Variants in LRBA observed in about 807,000 individuals in gnomAD.
LRBA encodes the protein lipopolysaccharide-responsive and beige-like anchor protein.
Under a neutral mutation model 330.0 loss-of-function variants are expected in LRBA, and 176 were observed. The ratio of observed to expected loss-of-function variants is 0.53; its 90% CI spans 0.47 to 0.60. LRBA has a LOEUF of 0.60. Among genes scored for constraint, LRBA ranks in the 20% least tolerant of loss-of-function variants. The pLI is 0.00. For missense variants in LRBA, 3,259 were observed against 3,444.8 expected (o/e 0.95, Z 1.35); for synonymous variants, 1,230 against 1,193.0 (o/e 1.03, Z -0.64).
At chr4:150,475,814 G>A (rs1756641001) in intron 42 of LRBA, among the ~76,000 whole-genome samples, 1 of 152,008 alleles carries the variant, frequency 6.6e-6, no homozygotes, top group African/African-American at 2.4e-5. Flanking sequence ...TGAGATGGGA[G>A]GGTGGCTTGA....
At chr4:150,812,078 C>T (rs1004725103) in intron 31 of LRBA, among the ~76,000 whole-genome samples, 8 of 152,124 alleles carry the variant, frequency 5.3e-5, no homozygotes, top group Admixed American at 5.2e-4. Context: ...AAACTAAATA[C>T]ACCAGTAATT....
intron 40 of LRBA, chr4:150,584,145 G>T: frequency 6.7e-7 from 1 of 1,502,042 alleles, no homozygotes. Flanking sequence ...ACACAAACGG[G>T]CGTGCTCTCT....
intron 35 of LRBA, among the ~76,000 whole-genome samples, chr4:150,745,753 A>T (rs1000104749): frequency 1.3e-5 from 2 of 152,106 alleles, no homozygotes; most frequent in Admixed American, 1.3e-4. Flanking sequence ...TGATCTCATG[A>T]TCTGCCCGCC....
intron 53 of LRBA, among the ~76,000 whole-genome samples, chr4:150,302,138 A>T (rs1343479571): frequency 5.9e-5 from 9 of 152,184 alleles, no homozygotes; most frequent in Admixed American, 3.3e-4. Flanking sequence ...TTCATTTCCC[A>T]TCTGAAAAAC....
intron 2 of LRBA, among the ~76,000 whole-genome samples, chr4:150,952,884 T>C (rs1023667168): frequency 6.6e-6 from 1 of 152,186 alleles, no homozygotes; most frequent in African/African-American, 2.4e-5. Flanking sequence ...TCTCTGTGTA[T>C]GTGTCCATCT....
At chr4:150,394,847 T>A (rs1744499508) in intron 47 of LRBA, among the ~76,000 whole-genome samples, 1 of 152,114 alleles carries the variant, frequency 6.6e-6, no homozygotes, top group Non-Finnish European at 1.5e-5. Context: ...GAGCAGGTGG[T>A]CTGTAGGGAA....
chr4:150,785,838 G>C (rs1163852197), intron 34 of LRBA, among the ~76,000 whole-genome samples: 1 of 152,118 alleles, frequency 6.6e-6, no homozygotes, highest in Non-Finnish European at 1.5e-5. Flanking sequence ...GTTGACAAAA[G>C]GGGCACTTAA....
chr4:150,576,543 A>G lies in LRBA; in HGVS notation c.6330+11505T>C, dbSNP rs1260901472. Among the ~76,000 whole-genome samples, 13 of 151,938 alleles carry G rather than the reference A, an allele frequency of 8.6e-5. No individual in the cohort carries two copies. The East Asian group carries it at 2.5e-3, about 29-fold the overall frequency. On this transcript the variant is annotated intron_variant, in intron 40 of 56. Transcript: ENST00000651943. ...TTCCTGAGCACAAGTCCCTTACTCT[A>G]TCATTGTATATTTTTGGTGACATCA...
intron 55 of LRBA, among the ~76,000 whole-genome samples, chr4:150,278,368 C>T (rs1340956600): frequency 1.3e-5 from 2 of 152,144 alleles, no homozygotes; most frequent in African/African-American, 4.8e-5. Context: ...TGTTTTGTCC[C>T]AAGACTTGGC....
intron 44 of LRBA, among the ~76,000 whole-genome samples, chr4:150,457,933 A>G (rs1342188919): frequency 1.3e-5 from 2 of 152,008 alleles, no homozygotes; most frequent in African/African-American, 2.4e-5. Context: ...GAGAATAAAT[A>G]CTTAACTTTG....
chr4:150,641,142 T>G (rs887733147), intron 37 of LRBA, among the ~76,000 whole-genome samples: 2 of 152,050 alleles, frequency 1.3e-5, no homozygotes, highest in Non-Finnish European at 2.9e-5. Flanking sequence ...TATGTCCTAT[T>G]TCACAGAGAT....
chr4:150,511,727 T>C (rs1000115371), intron 40 of LRBA, among the ~76,000 whole-genome samples: 2 of 152,262 alleles, frequency 1.3e-5, no homozygotes, highest in African/African-American at 2.4e-5. Context: ...GTGAAATCGA[T>C]GTCATTTTCA....
At chr4:150,564,785 T>G (rs1361215081) in intron 40 of LRBA, among the ~76,000 whole-genome samples, 1 of 151,832 alleles carries the variant, frequency 6.6e-6, no homozygotes, top group Non-Finnish European at 1.5e-5. Flanking sequence ...TGAAAAGAAG[T>G]TCATCACTGA....
Position 150,490,907 on chromosome 4 carries a change from T to C in LRBA, c.6448+11A>G. 1.3e-6 allele frequency: 2 copies of C among 1,503,196 alleles called. No individual in the cohort carries two copies. The highest frequency in any genetic ancestry group is 1.8e-6 in the Non-Finnish European group (2 of 1,083,572). The allele number at this position is 1,503,196 out of a possible 1,614,324, so 93.1% of individuals were successfully genotyped here. A position where few individuals can be genotyped will look rare whatever the true frequency, so the allele number is the denominator to read the frequency against. Reference sequence around the variant, plus strand: ...TTAGCTCTGTAACAACGTATTTCTGTAACACATTACCTCTGTTTGCCATAA... The same window carrying C: ...TTAGCTCTGTAACAACGTATTTCTGCAACACATTACCTCTGTTTGCCATAA... On this transcript the variant is annotated intron_variant, in intron 41 of 56. Coordinates refer to ENST00000651943, the MANE Select transcript of LRBA (RefSeq NM_001364905.1).
At chr4:150,942,446 A>T (rs995589947) in intron 2 of LRBA, among the ~76,000 whole-genome samples, 3 of 152,142 alleles carry the variant, frequency 2.0e-5, no homozygotes, top group Non-Finnish European at 4.4e-5. Context: ...CAGCTCAAGA[A>T]ATATCTCTCT....
chr4:150,828,078 T>C (rs1323299756), intron 30 of LRBA, 102 bp downstream of exon 30: 5 of 975,546 alleles, frequency 5.1e-6, no homozygotes, highest in East Asian at 2.4e-5. Flanking sequence ...TGAAAAGTTA[T>C]ATGTGGATTT....
rs1021695325 is a variant in LRBA at position 150,900,102 on chromosome 4, T to C, written c.1871A>G (p.Tyr624Cys). The C allele has an allele frequency of 5.0e-6, 8 of 1,613,502 alleles. No individual in the cohort carries two copies. The highest frequency in any genetic ancestry group is 4.5e-5 in the East Asian group (2 of 44,858). The part of the protein sequence containing the change: ...VLLIMHTLKY[Y>C]YWAVNPQDRS... ...ATCCTGAGGATTCACTGCCCAGTAG[T>C]AGTACTTCAGCGTGTGCATGATGAG... is the stretch of plus-strand genomic sequence containing the variant. Residue 624 changes from tyrosine (Y) to cysteine (C), a missense_variant, in exon 14 of 57, where the codon TAC (tyrosine) becomes TGC (cysteine). Tyr to Cys is a radical substitution (Grantham distance 194). Transcript: ENST00000651943.
chr4:150,905,801 G>C, intron 13 of LRBA, 37 bp downstream of exon 13: 1 of 1,516,378 alleles, frequency 6.6e-7, no homozygotes, highest in Non-Finnish European at 8.9e-7. Flanking sequence ...AAACAGCAAA[G>C]ATAGTAAAAC....
chr4:150,476,783 A>T lies in LRBA; in HGVS notation c.6552-5044T>A, dbSNP rs577121097. Among the ~76,000 whole-genome samples, 39 of 152,294 alleles carry T rather than the reference A, an allele frequency of 2.6e-4. 1 individual carries two copies. The South Asian group carries it at 8.1e-3, about 32-fold the overall frequency. Reference sequence around the variant, plus strand: ...GGTGGCATCTTTGGGCTGACTCAATATATTTTTGTTACGGCTTAAAACTGG... The same window carrying T: ...GGTGGCATCTTTGGGCTGACTCAATTTATTTTTGTTACGGCTTAAAACTGG... On this transcript the variant is annotated intron_variant, in intron 42 of 56. Coordinates refer to ENST00000651943, the MANE Select transcript of LRBA (RefSeq NM_001364905.1).
Sources: allele counts gnomAD v4.1 joint callset (sites outside exome capture counted in the v4.1 genomes callset), GRCh38; gene constraint gnomAD v4.1.1; transcripts MANE v1.5; gene names NCBI Gene and HGNC (gene_info 2026-07-23, HGNC 2026-07-21).